Variants in ADAMTS19 observed in about 807,000 individuals in gnomAD.
ADAMTS19 encodes the protein ADAM metallopeptidase with thrombospondin type 1 motif 19.
In ADAMTS19, 93 loss-of-function variants were observed where a neutral mutation model predicts 153.3. The observed-to-expected ratio is 0.61, with a 90% confidence interval of 0.51 to 0.72. The LOEUF (loss-of-function observed/expected upper bound fraction) is 0.72, where lower values mean the gene tolerates loss of function less well. Among genes scored for constraint, ADAMTS19 ranks in the 30% least tolerant of loss-of-function variants. The probability of loss-of-function intolerance (pLI) is 0.00; values close to 1 mark genes in which losing one functional copy is unlikely to be tolerated. For synonymous variants in ADAMTS19, 600 were observed against 556.6 expected (o/e 1.08, Z -1.10); for missense variants, 1,482 against 1,552.1 (o/e 0.95, Z 0.76).
chr5:129,484,787 T>C (rs552256842), intron 2 of ADAMTS19, among the ~76,000 whole-genome samples: 6 of 152,218 alleles, frequency 3.9e-5, no homozygotes, highest in African/African-American at 1.4e-4. Context: ...AGATTTTGGC[T>C]TGTGAAGATA....
chr5:129,599,398 A>AT (rs1201202224), intron 8 of ADAMTS19, among the ~76,000 whole-genome samples: 1 of 152,142 alleles, frequency 6.6e-6, no homozygotes, highest in African/African-American at 2.4e-5. Flanking sequence ...AATAATTATG[A>AT]TTTTTGCTCT....
chr5:129,667,828 C>T (rs78699140), intron 16 of ADAMTS19, among the ~76,000 whole-genome samples: 113 of 152,180 alleles, frequency 7.4e-4, no homozygotes, highest in Non-Finnish European at 1.4e-3. Flanking sequence ...ACAGAAAGTC[C>T]AAAATCAAAA....
intron 10 of ADAMTS19, among the ~76,000 whole-genome samples, chr5:129,633,077 T>C (rs891640377): frequency 7.9e-5 from 12 of 152,232 alleles, no homozygotes; most frequent in Non-Finnish European, 1.8e-4. Flanking sequence ...TTTCAATATT[T>C]TCCCTTTCTC....
intron 2 of ADAMTS19, among the ~76,000 whole-genome samples, chr5:129,462,960 G>A (rs1749734453): frequency 6.6e-6 from 1 of 152,022 alleles, no homozygotes; most frequent in South Asian, 2.1e-4. Flanking sequence ...CACCTCCCCT[G>A]ACCCAAGATC....
intron 7 of ADAMTS19, among the ~76,000 whole-genome samples, chr5:129,575,694 A>G (rs1754073854): frequency 6.6e-6 from 1 of 152,096 alleles, no homozygotes; most frequent in Non-Finnish European, 1.5e-5. Context: ...CTGATTTACA[A>G]GAGTTAGTTG....
At chr5:129,596,720 G>A in intron 8 of ADAMTS19, 56 bp downstream of exon 8, 3 of 1,260,930 alleles carry the variant, frequency 2.4e-6, no homozygotes, top group Non-Finnish European at 3.3e-6. Flanking sequence ...TGTAATTCGA[G>A]TTACTGAATT....
rs755607054 is a variant in ADAMTS19 at position 129,547,330 on chromosome 5, G to T, written c.1329-4534G>T. On this transcript the variant is annotated intron_variant, in intron 6 of 22. Coordinates refer to ENST00000274487, the MANE Select transcript of ADAMTS19 (RefSeq NM_133638.6). ...CATCTAGAGCTTTCAGAGGGAACAT[G>T]ATACTGCTGACACATTGATTTTAGT... Among the ~76,000 whole-genome samples the T allele has an allele frequency of 4.0e-5, 6 of 150,840 alleles. 1 individual carries two copies. Among genetic ancestry groups the T allele is most frequent in the Non-Finnish European group, 5.9e-5 (4 of 68,024 alleles).
intron 10 of ADAMTS19, among the ~76,000 whole-genome samples, chr5:129,631,076 T>A (rs1425611116): frequency 6.6e-6 from 1 of 151,668 alleles, no homozygotes; most frequent in Non-Finnish European, 1.5e-5. Flanking sequence ...TTGAAAAAAC[T>A]AAATTGTTGC....
intron 18 of ADAMTS19, among the ~76,000 whole-genome samples, chr5:129,690,260 C>T (rs1755273277): frequency 6.6e-6 from 1 of 152,194 alleles, no homozygotes; most frequent in African/African-American, 2.4e-5. Context: ...GGATATACCT[C>T]GGTGCAAAGG....
intron 7 of ADAMTS19, among the ~76,000 whole-genome samples, chr5:129,570,299 G>A (rs779507447): frequency 6.6e-6 from 1 of 151,628 alleles, no homozygotes; most frequent in South Asian, 2.1e-4. Flanking sequence ...AATAAAAATA[G>A]CTCTGTGAGC....
At chr5:129,641,575 G>C (rs528024901) in intron 10 of ADAMTS19, among the ~76,000 whole-genome samples, 6 of 151,886 alleles carry the variant, frequency 4.0e-5, no homozygotes, top group Non-Finnish European at 8.8e-5. Context: ...TTTTTCTGTT[G>C]TATCTACATC....
intron 7 of ADAMTS19, among the ~76,000 whole-genome samples, chr5:129,568,709 C>A (rs947513415): frequency 6.6e-6 from 1 of 152,184 alleles, no homozygotes; most frequent in African/African-American, 2.4e-5. Context: ...GTAATCTCAA[C>A]TACTCAGCAG....
At chr5:129,545,902 C>A (rs568591382) in intron 6 of ADAMTS19, among the ~76,000 whole-genome samples, 1 of 149,268 alleles carries the variant, frequency 6.7e-6, no homozygotes, top group Non-Finnish European at 1.5e-5. Flanking sequence ...ACCCAAAGGA[C>A]TATAAATCAT....
At chr5:129,464,966 A>G (rs1749803381) in intron 2 of ADAMTS19, among the ~76,000 whole-genome samples, 1 of 152,200 alleles carries the variant, frequency 6.6e-6, no homozygotes, top group Non-Finnish European at 1.5e-5. Flanking sequence ...CCAGATATAG[A>G]GAATACAAAA....
intron 7 of ADAMTS19, among the ~76,000 whole-genome samples, chr5:129,577,293 GAATTCCAGAAACTGTTTCAC>G (rs1241961484): frequency 6.6e-6 from 1 of 152,044 alleles, no homozygotes; most frequent in Non-Finnish European, 1.5e-5. Context: ...TTCCCACAAA[GAATTCCAGAAACTGTTTCAC>G]ACATTGGGAA....
intron 6 of ADAMTS19, among the ~76,000 whole-genome samples, chr5:129,535,279 C>A (rs1463257101): frequency 1.3e-5 from 2 of 150,960 alleles, no homozygotes; most frequent in Non-Finnish European, 3.0e-5. Flanking sequence ...AGCAGACAAA[C>A]AGCCAAATCA....
Position 129,508,028 on chromosome 5 carries a change from A to G in ADAMTS19, c.748-1049A>G, listed in dbSNP as rs142582234. 1.2e-3 allele frequency among the ~76,000 whole-genome samples: 179 copies of G among 152,126 alleles called. 1 individual carries two copies. The highest frequency in any genetic ancestry group is 4.1e-3 in the African/African-American group (171 of 41,540). On this transcript the variant is annotated intron_variant, in intron 2 of 22. Transcript: ENST00000274487. Reference sequence around the variant, plus strand: ...AGAAAACATGCATTTCCTTCAGGATATATGTATTTGTTTAATTTTCACTTT... The same window carrying G: ...AGAAAACATGCATTTCCTTCAGGATGTATGTATTTGTTTAATTTTCACTTT...
intron 14 of ADAMTS19, among the ~76,000 whole-genome samples, chr5:129,657,262 G>A (rs978608738): frequency 1.1e-4 from 17 of 152,096 alleles, no homozygotes; most frequent in African/African-American, 3.9e-4. Flanking sequence ...TTCATCCTGC[G>A]GCTGCATTTA....
chr5:129,503,633 G>T (rs1751176915), intron 2 of ADAMTS19, among the ~76,000 whole-genome samples: 1 of 152,168 alleles, frequency 6.6e-6, no homozygotes, highest in South Asian at 2.1e-4. Context: ...GAGGTCAGGA[G>T]TTCAAGACCA....
Sources: allele counts gnomAD v4.1 joint callset (sites outside exome capture counted in the v4.1 genomes callset), GRCh38; gene constraint gnomAD v4.1.1; transcripts MANE v1.5; gene names NCBI Gene and HGNC (gene_info 2026-07-23, HGNC 2026-07-21).